Variants in ZNF529 observed in about 807,000 individuals in gnomAD.
ZNF529 encodes zinc finger protein 529.
A neutral mutation model predicts 10.1 loss-of-function variants in ZNF529; 11 were observed. The ratio of observed to expected loss-of-function variants is 1.09; its 90% CI spans 0.69 to 1.81. ZNF529 has a LOEUF of 1.81. Ranked by LOEUF, ZNF529 falls within the 40% of genes most tolerant of loss-of-function variation. The pLI, the probability that ZNF529 is intolerant of heterozygous loss-of-function variation, is 0.00. For missense variants in ZNF529, 624 were observed against 666.8 expected (o/e 0.94, Z 0.71); for synonymous variants, 204 against 215.7 (o/e 0.95, Z 0.47).
At chr19:36,599,576 A>C (rs765418780) in intron 1 of ZNF529, among the ~76,000 whole-genome samples, 5 of 152,238 alleles carry the variant, frequency 3.3e-5, no homozygotes, top group Non-Finnish European at 5.9e-5. Context: ...AATTGAGAAG[A>C]ATGTACACCA....
Position 36,573,274 on chromosome 19 carries a change from G to A in ZNF529, c.-181C>T, listed in dbSNP as rs980168291. On this transcript the variant is annotated 5_prime_UTR_variant, in exon 1 of 5. Transcript: ENST00000591340. The stretch of plus-strand genomic sequence containing the variant: ...CGGCCCGGGTCACCTCGACTCGCCA[G>A]GCTTAACTCAATAACCACAACACCG... 4 of 320,084 alleles carry A rather than the reference G, an allele frequency of 1.2e-5. No homozygotes were observed. Among genetic ancestry groups the A allele is most frequent in the African/African-American group, 8.7e-5 (4 of 46,160 alleles). The allele number at this position is 320,084 out of a possible 1,614,324, so 19.8% of individuals were successfully genotyped here.
At chr19:36,558,516 A>G (rs1259304633) in intron 2 of ZNF529, among the ~76,000 whole-genome samples, 1 of 152,176 alleles carries the variant, frequency 6.6e-6, no homozygotes, top group Non-Finnish European at 1.5e-5. Flanking sequence ...GCCAGAAGGC[A>G]GTGGGATGAT....
chr19:36,583,569 G>A (rs1033336888), intron 2 of ZNF529, among the ~76,000 whole-genome samples: 9 of 148,632 alleles, frequency 6.1e-5, no homozygotes, highest in Admixed American at 4.0e-4. Context: ...TACAAACAAC[G>A]AGGAAATAAC....
rs559964352 is a variant in ZNF529 at position 36,584,766 on chromosome 19, CAAAA to C, written c.-41+4845_-41+4848del. ...TGGGTAACAGAGGGAGACTCTGTCT[CAAAA>C]AAAAAAAAAAAGAAAGAATGTACCT... On this transcript the variant is annotated intron_variant, in intron 2 of 4. Coordinates refer to the ZNF529 transcript ENST00000585960. 1.4e-4 allele frequency among the ~76,000 whole-genome samples: 13 copies of C among 90,490 alleles called. No homozygotes were observed. In the East Asian group the frequency reaches 3.4e-3, roughly 24 times the overall value. 59.4% of individuals were successfully genotyped at this position (90,490 alleles called of 152,430 possible). A position where few individuals can be genotyped will look rare whatever the true frequency, so the allele number is the denominator to read the frequency against.
chr19:36,555,967 A>C (rs1475082509), intron 3 of ZNF529, 137 bp downstream of exon 3: 1 of 766,226 alleles, frequency 1.3e-6, no homozygotes, highest in Non-Finnish European at 2.1e-6. Context: ...CAGGAGGGAC[A>C]CTGTGCTGTT....
chr19:36,583,837 A>G (rs1400631759), intron 2 of ZNF529, among the ~76,000 whole-genome samples: 2 of 152,136 alleles, frequency 1.3e-5, no homozygotes, highest in Non-Finnish European at 2.9e-5. Context: ...TGAAGAGATT[A>G]CCTATAATGC....
Position 36,596,057 on chromosome 19 carries a change from C to CTTT in ZNF529, c.-127-6359_-127-6357dup, listed in dbSNP as rs61695534. On this transcript the variant is annotated intron_variant, in intron 1 of 4. Transcript: ENST00000585960. ...ATTGACCTTTTTATATCCTGAAGCT[C>CTTT]TTTTTTTTTTTTTTTTTTTTTTTTT... Among the ~76,000 whole-genome samples the CTTT allele has an allele frequency of 1.5e-4, 10 of 68,646 alleles. 2 individuals are homozygous for CTTT. Among genetic ancestry groups the CTTT allele is most frequent in the Non-Finnish European group, 2.1e-4 (8 of 38,764 alleles). The allele number at this position is 68,646 out of a possible 152,430, so 45.0% of individuals were successfully genotyped here.
chr19:36,565,674 T>G, intron 2 of ZNF529, among the ~76,000 whole-genome samples: 1 of 152,086 alleles, frequency 6.6e-6, no homozygotes, highest in Non-Finnish European at 1.5e-5. Context: ...CTCTCATGCC[T>G]GGGCGACAGA....
intron 1 of ZNF529, among the ~76,000 whole-genome samples, chr19:36,592,501 A>G (rs544525404): frequency 4.6e-4 from 69 of 149,870 alleles, no homozygotes; most frequent in Middle Eastern, 3.5e-3. Context: ...AGCTGAAGCA[A>G]GAGAATCGCT....
chr19:36,592,284 CAAAAAAAAAAAA>C (rs35717465), intron 1 of ZNF529, among the ~76,000 whole-genome samples: 2 of 49,850 alleles, frequency 4.0e-5, no homozygotes, highest in Non-Finnish European at 7.0e-5. Context: ...GACTTTGTCT[CAAAAAAAAAAAA>C]AAAAAAAAAA....
At chr19:36,592,773 A>G (rs2036753417) in intron 1 of ZNF529, among the ~76,000 whole-genome samples, 1 of 152,214 alleles carries the variant, frequency 6.6e-6, no homozygotes. Context: ...ATGTAGGCCA[A>G]TGACATTTTG....
Position 36,555,449 on chromosome 19 carries a change from G to A in ZNF529, c.109-653C>T, listed in dbSNP as rs1366102187. Among the ~76,000 whole-genome samples, 4 of 85,354 alleles carry A rather than the reference G, an allele frequency of 4.7e-5. 1 individual carries two copies. The highest frequency in any genetic ancestry group is 1.0e-4 in the Admixed American group (1 of 9,920). The allele number at this position is 85,354 out of a possible 152,430, so 56.0% of individuals were successfully genotyped here. On this transcript the variant is annotated intron_variant, in intron 3 of 4. Transcript: ENST00000591340. ...GCTGGGACTACAGGCGCCCGCCACC[G>A]CGCCCGGCTAATTTTTTGTATTTTT...
At chr19:36,558,363 A>C (rs888531638) in intron 2 of ZNF529, among the ~76,000 whole-genome samples, 2 of 152,168 alleles carry the variant, frequency 1.3e-5, no homozygotes, top group African/African-American at 4.8e-5. Context: ...AGAGATCCAA[A>C]CATAGATGCA....
Position 36,547,242 on chromosome 19 carries a change from C to T in ZNF529, c.1316G>A (p.Arg439Gln), listed in dbSNP as rs763511485. 7.4e-6 allele frequency: 12 copies of T among 1,613,680 alleles called. No homozygotes were observed. The highest frequency in any genetic ancestry group is 4.5e-5 in the East Asian group (2 of 44,854). ...TTGACCACTGTGAATTCTTTCATGTCGAGTAAGTTCACTACCTACTCCAAA... is the reference window on the plus strand; with the variant it reads ...TTGACCACTGTGAATTCTTTCATGTTGAGTAAGTTCACTACCTACTCCAAA... ...KAFGVGSELTRHERIHSGQKP... is the reference protein window; with the variant it reads ...KAFGVGSELTQHERIHSGQKP... Residue 439 changes from arginine (R) to glutamine (Q), a missense_variant, in exon 5 of 5, where the codon CGA (arginine) becomes CAA (glutamine). Transcript: ENST00000591340.
Position 36,543,631 on chromosome 19 carries a change from A to G in ZNF529, c.*3235T>C, listed in dbSNP as rs1600229230. 1 of 152,180 alleles carries G rather than the reference A, an allele frequency of 6.6e-6. No homozygotes were observed. Among genetic ancestry groups the G allele is most frequent in the East Asian group, 1.9e-4 (1 of 5,174 alleles). The allele number at this position is 152,180 out of a possible 1,614,324, so 9.4% of individuals were successfully genotyped here. On this transcript the variant is annotated 3_prime_UTR_variant, in exon 5 of 5. Coordinates refer to ENST00000591340, the MANE Select transcript of ZNF529 (RefSeq NM_020951.5). ...CATAGACTGTGAGGCTTAAATACAG[A>G]TATTTATTTTCTCACTGTTCTAATT...
intron 2 of ZNF529, among the ~76,000 whole-genome samples, chr19:36,570,218 G>A (rs375307019): frequency 1.3e-5 from 2 of 151,882 alleles, no homozygotes; most frequent in African/African-American, 2.4e-5. Context: ...AAAATTAGCC[G>A]GGTGTTGTGG....
intron 1 of ZNF529, among the ~76,000 whole-genome samples, chr19:36,602,572 C>A (rs2036944262): frequency 6.6e-6 from 1 of 152,040 alleles, no homozygotes; most frequent in South Asian, 2.1e-4. Flanking sequence ...CTGTTCTAGA[C>A]CCAGAGACCA....
At chr19:36,574,035 A>G (rs925604284), upstream of ZNF529, among the ~76,000 whole-genome samples, 2 of 152,216 alleles carry the variant, frequency 1.3e-5, no homozygotes, top group African/African-American at 2.4e-5. Flanking sequence ...CTGTTGACGA[A>G]AAGACTCAGA....
At chr19:36,553,831 T>C (rs943833667) in intron 4 of ZNF529, among the ~76,000 whole-genome samples, 4 of 152,244 alleles carry the variant, frequency 2.6e-5, no homozygotes, top group African/African-American at 7.2e-5. Flanking sequence ...AGCACTGACA[T>C]GATGCTACAA....
Sources: allele counts gnomAD v4.1 joint callset (sites outside exome capture counted in the v4.1 genomes callset), GRCh38; gene constraint gnomAD v4.1.1; transcripts MANE v1.5; gene names NCBI Gene and HGNC (gene_info 2026-07-23, HGNC 2026-07-21).